HS3ST2: variants seen among roughly 807,000 people sequenced by gnomAD.
HS3ST2 encodes heparan sulfate glucosamine 3-O-sulfotransferase 2.
Under a neutral mutation model 26.3 loss-of-function variants are expected in HS3ST2, and 17 were observed. That is an observed-to-expected ratio of 0.65 (90% CI 0.44 to 0.97). The LOEUF is 0.97. Ranked by LOEUF, HS3ST2 falls within the 50% of genes least tolerant of loss-of-function variation. The pLI, the probability that HS3ST2 is intolerant of heterozygous loss-of-function variation, is 0.00. For synonymous variants in HS3ST2, 237 were observed against 219.2 expected (o/e 1.08, Z -0.72); for missense variants, 402 against 501.2 (o/e 0.80, Z 1.89).
intron 1 of HS3ST2, among the ~76,000 whole-genome samples, chr16:22,818,800 C>CCGTT (rs1900923174): frequency 1.4e-4 from 1 of 7,278 alleles, no homozygotes; most frequent in Non-Finnish European, 2.2e-4. Context: ...CTCCCTCCCT[C>CCGTT]CCTTCCTTCC....
At chr16:22,828,433 T>C (rs529534845) in intron 1 of HS3ST2, among the ~76,000 whole-genome samples, 5 of 152,200 alleles carry the variant, frequency 3.3e-5, no homozygotes, top group East Asian at 3.9e-4. Context: ...GCCTTGTGAG[T>C]GTGGCTTCCC....
intron 1 of HS3ST2, among the ~76,000 whole-genome samples, chr16:22,886,176 A>T (rs1902055600): frequency 1.3e-5 from 2 of 152,246 alleles, no homozygotes; most frequent in African/African-American, 4.8e-5. Context: ...AACCCAAAGC[A>T]GCTCATTTAT....
Position 22,882,463 on chromosome 16 carries a change from G to A in HS3ST2, c.486-32481G>A, listed in dbSNP as rs567268515. On this transcript the variant is annotated intron_variant, in intron 1 of 1. Coordinates refer to ENST00000261374, the MANE Select transcript of HS3ST2 (RefSeq NM_006043.2). ...TAAGATTCCCAGATCACTGGGTGCAGTGGCTCATGCCTGTAATCCCAGCAA... is the reference window on the plus strand; with the variant it reads ...TAAGATTCCCAGATCACTGGGTGCAATGGCTCATGCCTGTAATCCCAGCAA... Among the ~76,000 whole-genome samples, 7 of 152,332 alleles carry A rather than the reference G, an allele frequency of 4.6e-5. No individual in the cohort carries two copies. The East Asian group carries it at 7.7e-4, about 17-fold the overall frequency.
chr16:22,873,759 G>T (rs1901869899), intron 1 of HS3ST2, among the ~76,000 whole-genome samples: 2 of 152,176 alleles, frequency 1.3e-5, no homozygotes, highest in African/African-American at 4.8e-5. Context: ...TGGCAGTTTG[G>T]CTTGAGTTCA....
At chr16:22,855,491 T>TGCCACC (rs1217936995) in intron 1 of HS3ST2, among the ~76,000 whole-genome samples, 10 of 152,188 alleles carry the variant, frequency 6.6e-5, no homozygotes, top group African/African-American at 2.2e-4. Context: ...TCCTGCTGCC[T>TGCCACC]TGGGAAATTT....
intron 1 of HS3ST2, among the ~76,000 whole-genome samples, chr16:22,912,308 G>A (rs1474771493): frequency 6.6e-6 from 1 of 152,208 alleles, no homozygotes; most frequent in African/African-American, 2.4e-5. Flanking sequence ...GAAGGGAAGA[G>A]AAAATGGAAA....
intron 1 of HS3ST2, among the ~76,000 whole-genome samples, chr16:22,864,745 C>G (rs1180406235): frequency 1.3e-5 from 2 of 151,898 alleles, no homozygotes; most frequent in Non-Finnish European, 2.9e-5. Context: ...TTTAAAAAGA[C>G]AAAATAGTCA....
chr16:22,912,163 G>T (rs1902431614), intron 1 of HS3ST2, among the ~76,000 whole-genome samples: 1 of 152,144 alleles, frequency 6.6e-6, no homozygotes, highest in African/African-American at 2.4e-5. Context: ...CAAAGGTTCT[G>T]GGCGGACATA....
intron 1 of HS3ST2, among the ~76,000 whole-genome samples, chr16:22,901,553 A>G (rs1902282197): frequency 6.6e-6 from 1 of 152,232 alleles, no homozygotes; most frequent in Admixed American, 6.5e-5. Flanking sequence ...AGAGAAATTA[A>G]GCCCAGACCA....
chr16:22,814,787 C>T lies in HS3ST2; in HGVS notation c.177C>T (p.Pro59=), dbSNP rs1018185091. 5.1e-5 allele frequency: 81 copies of T among 1,596,410 alleles called. No homozygotes were observed. Among genetic ancestry groups the T allele is most frequent in the Non-Finnish European group, 6.4e-5 (75 of 1,173,124 alleles). The change falls in exon 1 of 2, where the codon CCC becomes CCT. Residue 59 remains proline, a synonymous_variant. Transcript: ENST00000261374. ...LLGAPRCLRG[P]SAGGQKLLQK... ...GCGCGCCTCGCTGCCTCCGCGGCCCCAGCGCGGGCGGCCAGAAACTTCTCC... is the reference window on the plus strand; with the variant it reads ...GCGCGCCTCGCTGCCTCCGCGGCCCTAGCGCGGGCGGCCAGAAACTTCTCC...
At chr16:22,867,083 G>A (rs1901768112) in intron 1 of HS3ST2, among the ~76,000 whole-genome samples, 2 of 152,300 alleles carry the variant, frequency 1.3e-5, no homozygotes, top group South Asian at 4.1e-4. Flanking sequence ...TAAAAGTATA[G>A]TACTGCTGTG....
At chr16:22,892,117 A>G (rs1298204901) in intron 1 of HS3ST2, among the ~76,000 whole-genome samples, 1 of 150,944 alleles carries the variant, frequency 6.6e-6, no homozygotes. Context: ...TACTAAAAAA[A>G]AAAAAAAAAA....
chr16:22,879,425 C>T (rs1901959406), intron 1 of HS3ST2, among the ~76,000 whole-genome samples: 1 of 152,146 alleles, frequency 6.6e-6, no homozygotes, highest in Admixed American at 6.5e-5. Flanking sequence ...CCTCTGAGGA[C>T]TGTGTTCTTG....
chr16:22,843,355 A>G (rs1184543100), intron 1 of HS3ST2, among the ~76,000 whole-genome samples: 2 of 152,160 alleles, frequency 1.3e-5, no homozygotes, highest in East Asian at 3.9e-4. Flanking sequence ...ACAGCGTCAG[A>G]TCCCACGGGT....
chr16:22,913,191 G>A (rs1902448036), intron 1 of HS3ST2, among the ~76,000 whole-genome samples: 1 of 150,390 alleles, frequency 6.6e-6, no homozygotes, highest in African/African-American at 2.5e-5. Context: ...AGGGCGGAAG[G>A]AAGGAAGGGA....
intron 1 of HS3ST2, among the ~76,000 whole-genome samples, chr16:22,900,475 G>A (rs1171265225): frequency 6.6e-6 from 1 of 152,178 alleles, no homozygotes; most frequent in Non-Finnish European, 1.5e-5. Context: ...GAAGAGAGCT[G>A]TGGTGGGTCC....
chr16:22,902,471 G>A (rs1902292519), intron 1 of HS3ST2, among the ~76,000 whole-genome samples: 1 of 152,216 alleles, frequency 6.6e-6, no homozygotes, highest in South Asian at 2.1e-4. Context: ...CTATGCAGGT[G>A]TCCTTGGGAG....
chr16:22,913,277 A>G (rs1253577400), intron 1 of HS3ST2, among the ~76,000 whole-genome samples: 1 of 152,072 alleles, frequency 6.6e-6, no homozygotes, highest in Non-Finnish European at 1.5e-5. Context: ...TTCATCAAGA[A>G]GTAGCGGTTG....
chr16:22,880,426 A>G (rs1438893225), intron 1 of HS3ST2, among the ~76,000 whole-genome samples: 4 of 152,132 alleles, frequency 2.6e-5, no homozygotes, highest in Admixed American at 6.6e-5. Context: ...CTAAAAATGA[A>G]ATAAAGTTAA....
Sources: allele counts gnomAD v4.1 joint callset (sites outside exome capture counted in the v4.1 genomes callset), GRCh38; gene constraint gnomAD v4.1.1; transcripts MANE v1.5; gene names NCBI Gene and HGNC (gene_info 2026-07-23, HGNC 2026-07-21).